Variants in DYNLT2B observed in about 807,000 individuals in gnomAD.
DYNLT2B encodes the protein dynein light chain Tctex-type 2B.
A neutral mutation model predicts 19.5 loss-of-function variants in DYNLT2B; 14 were observed. The ratio of observed to expected loss-of-function variants is 0.72; its 90% CI spans 0.47 to 1.12. DYNLT2B has a LOEUF of 1.12. DYNLT2B is among the 50% of genes most tolerant of loss of function. DYNLT2B has a pLI of 0.00. For synonymous variants in DYNLT2B, 70 were observed against 59.7 expected (o/e 1.17, Z -0.79); for missense variants, 133 against 174.7 (o/e 0.76, Z 1.35).
At chr3:196,315,690 T>C (rs1726768783) in intron 2 of DYNLT2B, among the ~76,000 whole-genome samples, 1 of 151,778 alleles carries the variant, frequency 6.6e-6, no homozygotes, top group East Asian at 2.0e-4. Context: ...CTGACCAACA[T>C]GGAGAAACCC....
chr3:196,294,220 G>A (rs574874148), intron 4 of DYNLT2B, among the ~76,000 whole-genome samples: 3 of 151,998 alleles, frequency 2.0e-5, no homozygotes, highest in Non-Finnish European at 4.4e-5. Context: ...GTGTGGTGGT[G>A]CATGCCTGTA....
intron 2 of DYNLT2B, among the ~76,000 whole-genome samples, chr3:196,312,091 C>G (rs4916480): frequency 0.56 from 84,448 of 151,984 alleles, 24,068 homozygotes; most frequent in East Asian, 0.9. Flanking sequence ...TGTTGGTCAG[C>G]CTGGTTTCGA....
At chr3:196,315,238 AAT>A (rs754559939) in intron 2 of DYNLT2B, 19 of 424,582 alleles carry the variant, frequency 4.5e-5, no homozygotes, top group Non-Finnish European at 8.3e-5. Context: ...ACGTTTTTTT[AAT>A]AGAGATGTTT....
intron 3 of DYNLT2B, among the ~76,000 whole-genome samples, chr3:196,303,030 T>C (rs1169657889): frequency 6.6e-6 from 1 of 152,094 alleles, no homozygotes; most frequent in Admixed American, 6.6e-5. Context: ...TGACCCTCCC[T>C]ACACTGCTCC....
chr3:196,294,475 T>A (rs1352207392), intron 4 of DYNLT2B, among the ~76,000 whole-genome samples: 3 of 152,260 alleles, frequency 2.0e-5, no homozygotes, highest in Non-Finnish European at 1.5e-5. Context: ...GGGAACTTTT[T>A]AAATATTCTG....
rs1008141121 is a variant in DYNLT2B at position 196,295,862 on chromosome 3, A to G, written c.381+144T>C. 4 of 700,480 alleles carry G rather than the reference A, an allele frequency of 5.7e-6. No individual in the cohort carries two copies. The South Asian group carries it at 8.7e-5, about 15-fold the overall frequency. The allele number at this position is 700,480 out of a possible 1,614,324, so 43.4% of individuals were successfully genotyped here. A position where few individuals can be genotyped will look rare whatever the true frequency, so the allele number is the denominator to read the frequency against. On this transcript the variant is annotated intron_variant, in intron 4 of 4. Coordinates refer to ENST00000325318, the MANE Select transcript of DYNLT2B (RefSeq NM_152773.5). Reference sequence around the variant, plus strand: ...TAGGTTTCTGCTTTAGTAACACAAAAACTAACAGTAAAATCATTTCATTCA... The same window carrying G: ...TAGGTTTCTGCTTTAGTAACACAAAGACTAACAGTAAAATCATTTCATTCA...
At chr3:196,309,540 C>T (rs774969901) in intron 2 of DYNLT2B, among the ~76,000 whole-genome samples, 19 of 151,330 alleles carry the variant, frequency 1.3e-4, no homozygotes, top group Non-Finnish European at 1.9e-4. Flanking sequence ...GCTGGGATTA[C>T]GGACGTGAGC....
chr3:196,317,959 C>T lies in DYNLT2B; in HGVS notation c.113+81G>A, dbSNP rs889707041. The stretch of plus-strand genomic sequence containing the variant: ...CCCCGCGCGTCCCCCGCGCTCCTTC[C>T]GTGGCCCAGGTCCCAGGCGAGCTCC... On this transcript the variant is annotated intron_variant, in intron 1 of 4. Coordinates refer to ENST00000325318, the MANE Select transcript of DYNLT2B (RefSeq NM_152773.5). 9.9e-6 allele frequency: 8 copies of T among 807,000 alleles called. No homozygotes were observed. In the African/African-American group the frequency reaches 1.1e-4, roughly 11 times the overall value. The allele number at this position is 807,000 out of a possible 1,614,324, so 50.0% of individuals were successfully genotyped here.
intron 3 of DYNLT2B, chr3:196,296,346 A>G: frequency 3.4e-6 from 1 of 294,182 alleles, no homozygotes; most frequent in Non-Finnish European, 6.3e-6. Flanking sequence ...GATCAATACT[A>G]GAGATTTGTG....
chr3:196,316,231 C>G lies in DYNLT2B; in HGVS notation c.114G>C (p.Arg38Ser), dbSNP rs368038161. 66 of 1,605,510 alleles carry G rather than the reference C, an allele frequency of 4.1e-5. No homozygotes were observed. The highest frequency in any genetic ancestry group is 5.6e-5 in the Non-Finnish European group (66 of 1,175,924). Residue 38 changes from arginine to serine, a missense_variant and splice_region_variant, in exon 2 of 5, where the codon AGG becomes AGC. Coordinates refer to ENST00000325318, the MANE Select transcript of DYNLT2B (RefSeq NM_152773.5). Reference protein sequence around the residue: ...TYILRPVFQQRFRPSVVKDCI... With the variant: ...TYILRPVFQQSFRPSVVKDCI... ...AGTCTTTAACCACAGAGGGCCTGAA[C>G]CTGAATGGAACAATTTGTGAACATC...
intron 2 of DYNLT2B, among the ~76,000 whole-genome samples, chr3:196,308,006 G>A (rs1200430269): frequency 6.6e-6 from 1 of 151,106 alleles, no homozygotes; most frequent in Non-Finnish European, 1.5e-5. Flanking sequence ...GCTTGAACCT[G>A]GGAGGCGGAG....
intron 2 of DYNLT2B, among the ~76,000 whole-genome samples, chr3:196,308,831 T>G (rs1046955084): frequency 6.6e-5 from 10 of 152,004 alleles, no homozygotes; most frequent in Non-Finnish European, 1.0e-4. Flanking sequence ...TATACAGAAA[T>G]GTGTCTAGAA....
intron 3 of DYNLT2B, among the ~76,000 whole-genome samples, chr3:196,302,094 G>A (rs1245893450): frequency 3.9e-5 from 6 of 152,118 alleles, no homozygotes; most frequent in East Asian, 3.8e-4. Context: ...GTGACAGAGC[G>A]AGACTCCGTC....
intron 3 of DYNLT2B, among the ~76,000 whole-genome samples, chr3:196,302,744 A>C (rs1390743381): frequency 6.6e-6 from 1 of 152,076 alleles, no homozygotes; most frequent in Non-Finnish European, 1.5e-5. Flanking sequence ...ATGAACACGG[A>C]GGAAATGAAA....
chr3:196,305,309 A>T (rs1726459211), intron 3 of DYNLT2B, among the ~76,000 whole-genome samples: 1 of 152,206 alleles, frequency 6.6e-6, no homozygotes, highest in African/African-American at 2.4e-5. Context: ...TAGGATGTAT[A>T]GAAAACAGTA....
At chr3:196,301,979 C>T (rs1343198369) in intron 3 of DYNLT2B, among the ~76,000 whole-genome samples, 6 of 152,094 alleles carry the variant, frequency 3.9e-5, no homozygotes, top group South Asian at 2.1e-4. Context: ...CGGTGGCTCA[C>T]GCCTGTAGTC....
At chr3:196,296,130 C>T in intron 3 of DYNLT2B, 61 bp from the exon 4 acceptor site, 1 of 1,392,794 alleles carries the variant, frequency 7.2e-7, no homozygotes, top group Non-Finnish European at 1.0e-6. Context: ...CGACACATAT[C>T]TGCCACGAGA....
chr3:196,296,284 G>A, intron 3 of DYNLT2B: 1 of 490,908 alleles, frequency 2.0e-6, no homozygotes, highest in South Asian at 2.9e-5. Context: ...TGCAACTAGA[G>A]GTGACCAGCC....
At chr3:196,304,549 G>A (rs1465472026) in intron 3 of DYNLT2B, among the ~76,000 whole-genome samples, 2 of 152,036 alleles carry the variant, frequency 1.3e-5, no homozygotes, top group East Asian at 1.9e-4. Context: ...TTAGAAGGCC[G>A]AGCATGGTGT....
Sources: allele counts gnomAD v4.1 joint callset (sites outside exome capture counted in the v4.1 genomes callset), GRCh38; gene constraint gnomAD v4.1.1; transcripts MANE v1.5; gene names NCBI Gene and HGNC (gene_info 2026-07-23, HGNC 2026-07-21).